ADGRG7: variants seen among roughly 807,000 people sequenced by gnomAD.
ADGRG7 encodes G-protein coupled receptor 128.
Under a neutral mutation model 88.6 loss-of-function variants are expected in ADGRG7, and 82 were observed. That is an observed-to-expected ratio of 0.93 (90% CI 0.77 to 1.11). The LOEUF (loss-of-function observed/expected upper bound fraction) is 1.11, where lower values mean the gene tolerates loss of function less well. Among genes scored for constraint, ADGRG7 ranks in the 50% most tolerant of loss-of-function variants. The pLI, the probability that ADGRG7 is intolerant of heterozygous loss-of-function variation, is 0.00. For missense variants in ADGRG7, 945 were observed against 953.4 expected (o/e 0.99, Z 0.12); for synonymous variants, 381 against 345.2 (o/e 1.10, Z -1.15).
intron 1 of ADGRG7, among the ~76,000 whole-genome samples, chr3:100,625,872 A>G (rs975289691): frequency 2.0e-5 from 3 of 152,188 alleles, no homozygotes; most frequent in African/African-American, 4.8e-5. Context: ...CATCCTAGGG[A>G]TGAAGCCAAC....
chr3:100,646,737 A>C lies in ADGRG7; in HGVS notation c.1266+13A>C, dbSNP rs370306852. 1 of 1,603,452 alleles carries C rather than the reference A, an allele frequency of 6.2e-7. No homozygotes were observed. The highest frequency in any genetic ancestry group is 1.3e-5 in the African/African-American group (1 of 74,802). On this transcript the variant is annotated intron_variant, in intron 10 of 15. Transcript: ENST00000273352. ...TGCTGTATTAATGGTAAGGATATAC[A>C]TAGCAATCTCTTTCCAGATGAGAAT...
chr3:100,625,326 G>T (rs950751919), intron 1 of ADGRG7, among the ~76,000 whole-genome samples: 6 of 152,000 alleles, frequency 3.9e-5, no homozygotes, highest in African/African-American at 1.4e-4. Context: ...TCATAATTTG[G>T]CTCCCTGCTT....
chr3:100,613,315 C>G (rs573066866), intron 1 of ADGRG7, among the ~76,000 whole-genome samples: 1 of 152,182 alleles, frequency 6.6e-6, no homozygotes, highest in Non-Finnish European at 1.5e-5. Flanking sequence ...GTACTTCTTT[C>G]AGAGGCAAAC....
intron 7 of ADGRG7, 59 bp downstream of exon 7, chr3:100,643,464 A>T: frequency 1.2e-6 from 2 of 1,609,942 alleles, no homozygotes; most frequent in African/African-American, 1.3e-5. Flanking sequence ...CTGATGATGA[A>T]TAATAATGCT....
chr3:100,676,042 C>T (rs2094964903), intron 15 of ADGRG7, among the ~76,000 whole-genome samples: 1 of 151,676 alleles, frequency 6.6e-6, no homozygotes, highest in African/African-American at 2.4e-5. Flanking sequence ...TTTTTTTGAT[C>T]TTTAAAAATA....
intron 15 of ADGRG7, among the ~76,000 whole-genome samples, chr3:100,693,362 A>T (rs1332428213): frequency 6.6e-6 from 1 of 152,054 alleles, no homozygotes; most frequent in African/African-American, 2.4e-5. Context: ...GCCAATGACC[A>T]CTCCTGTCCT....
chr3:100,655,798 T>C, intron 12 of ADGRG7, 101 bp from the exon 13 acceptor site: 1 of 723,492 alleles, frequency 1.4e-6, no homozygotes, highest in Admixed American at 2.0e-5. Flanking sequence ...GAAAACAACA[T>C]ACATCCTGAA....
At chr3:100,670,546 G>A (rs932508956) in intron 15 of ADGRG7, among the ~76,000 whole-genome samples, 1 of 152,040 alleles carries the variant, frequency 6.6e-6, no homozygotes, top group Non-Finnish European at 1.5e-5. Flanking sequence ...TGGATCATAT[G>A]GTAGTTCTAT....
At chr3:100,659,549 C>T in intron 13 of ADGRG7, 139 bp from the exon 14 acceptor site, 1 of 612,620 alleles carries the variant, frequency 1.6e-6, no homozygotes, top group South Asian at 2.6e-5. Flanking sequence ...CATAAGTCAT[C>T]TCAAATGTGT....
At position 100,643,306 on chromosome 3, in the gene ADGRG7, A is replaced by G; in HGVS notation, c.739A>G (p.Asn247Asp). ...GGAGACTTATTCCTTGTCTTTGGGT[A>G]ATCAATCAGTGGTGGAACCTAACAT... ...QMETYSLSLG[N>D]QSVVEPNIAI... Residue 247 changes from asparagine to aspartate, a missense_variant, in exon 7 of 16, where the codon AAT becomes GAT. By Grantham distance (23) the Asn-to-Asp change is conservative (BLOSUM62 1). Coordinates refer to ENST00000273352, the MANE Select transcript of ADGRG7 (RefSeq NM_032787.3). The G allele has an allele frequency of 3.7e-6, 6 of 1,613,980 alleles. No individual in the cohort carries two copies. The highest frequency in any genetic ancestry group is 5.1e-6 in the Non-Finnish European group (6 of 1,179,878).
chr3:100,645,453 C>T (rs1262516656), intron 8 of ADGRG7, among the ~76,000 whole-genome samples: 2 of 152,212 alleles, frequency 1.3e-5, no homozygotes, highest in Non-Finnish European at 2.9e-5. Context: ...GAGCTCCTTG[C>T]TCTGTGACTT....
rs546307092 is a variant in ADGRG7, at chr3:100,643,573, G to T, written c.886G>T (p.Val296Leu). The change falls in exon 8 of 16, where the codon GTG becomes TTG. Residue 296 changes from valine (V) to leucine (L), a missense_variant. Transcript: ENST00000273352. Reference sequence around the variant, plus strand: ...TAGTTCAACATTTATACATACAAATGTGGATGGCCTTAACCCAGATGCACA... The same window carrying T: ...TAGTTCAACATTTATACATACAAATTTGGATGGCCTTAACCCAGATGCACA... ...VSSSTFIHTN[V>L]DGLNPDAQTE... 1.6e-4 allele frequency: 263 copies of T among 1,614,000 alleles called. 2 individuals carry two copies. The South Asian group carries it at 2.7e-3, about 17-fold the overall frequency.
intron 15 of ADGRG7, among the ~76,000 whole-genome samples, chr3:100,679,070 C>G (rs1165262): frequency 0.9 from 136,935 of 152,170 alleles, 62,937 homozygotes; most frequent in Non-Finnish European, 1. Context: ...GTCCCCAGGT[C>G]GGTCCAGAGG....
At chr3:100,620,102 C>CA (rs1195211232) in intron 1 of ADGRG7, among the ~76,000 whole-genome samples, 2 of 151,928 alleles carry the variant, frequency 1.3e-5, no homozygotes, top group Non-Finnish European at 2.9e-5. Flanking sequence ...AGAGACACAA[C>CA]AAAAAAAGAG....
At chr3:100,659,645 AC>A in intron 13 of ADGRG7, 42 bp from the exon 14 acceptor site, 1 of 1,591,874 alleles carries the variant, frequency 6.3e-7, no homozygotes, top group Non-Finnish European at 8.6e-7. Context: ...CAGTATGTAT[AC>A]CTTTCTTAGT....
In ADGRG7 at chr3:100,629,598, G is replaced by C. The variant is rs1464056454; in HGVS notation, c.116G>C (p.Gly39Ala). The change falls in exon 2 of 16, where the codon GGA becomes GCA. Residue 39 changes from glycine (G) to alanine (A), a missense_variant and splice_region_variant. Physicochemically the swap from Gly to Ala is moderately conservative, Grantham distance 60. Coordinates refer to ENST00000273352, the MANE Select transcript of ADGRG7 (RefSeq NM_032787.3). ...ATTCTGTTATTTATTGTTTCTTTAGGAAAATCTACTTCCTCATCAAGCACC... is the reference window on the plus strand; with the variant it reads ...ATTCTGTTATTTATTGTTTCTTTAGCAAAATCTACTTCCTCATCAAGCACC... ...IWRIVIRIQR[G>A]KSTSSSSTPT... 6.2e-7 allele frequency: 1 copy of C among 1,607,046 alleles called. No individual in the cohort carries two copies. The highest frequency in any genetic ancestry group is 1.1e-5 in the South Asian group (1 of 90,738).
intron 15 of ADGRG7, among the ~76,000 whole-genome samples, chr3:100,689,079 T>A (rs1396458353): frequency 6.6e-6 from 1 of 152,262 alleles, no homozygotes; most frequent in African/African-American, 2.4e-5. Context: ...GGTGCATATA[T>A]ATTTAGTATA....
At chr3:100,668,228 TG>T (rs1405406856) in intron 14 of ADGRG7, among the ~76,000 whole-genome samples, 1 of 152,218 alleles carries the variant, frequency 6.6e-6, no homozygotes, top group Non-Finnish European at 1.5e-5. Flanking sequence ...TGTTCCTATT[TG>T]GCCATCTTGA....
In ADGRG7 at chr3:100,635,328, A is replaced by C. The variant is rs554635591; in HGVS notation, c.448-349A>C. ...AGATTCAACAGCAAAAAATTGCTAT[A>C]TACATCTCTGACCAATTGCTTTCAG... On this transcript the variant is annotated intron_variant, in intron 4 of 15. Coordinates refer to ENST00000273352, the MANE Select transcript of ADGRG7 (RefSeq NM_032787.3). Among the ~76,000 whole-genome samples the C allele has an allele frequency of 4.6e-5, 7 of 152,338 alleles. No homozygotes were observed. In the East Asian group the frequency reaches 1.3e-3, roughly 29 times the overall value.
Sources: gnomAD v4.1 joint callset for allele counts (sites outside exome capture counted in the v4.1 genomes callset) on GRCh38, gnomAD v4.1.1 for gene constraint, MANE v1.5 for transcripts, NCBI Gene and HGNC (gene_info 2026-07-23, HGNC 2026-07-21) for gene names.